CELF2: variants seen among roughly 807,000 people sequenced by gnomAD.
CELF2 encodes the protein CUGBP Elav-like family member 2, also known as CUG triplet repeat RNA-binding protein 2.
CELF2 carries 8 observed loss-of-function variants against 62.6 expected under a neutral mutation model. The observed-to-expected ratio is 0.13, with a 90% CI of 0.07 to 0.23. The LOEUF (loss-of-function observed/expected upper bound fraction) is 0.23, where lower values mean the gene tolerates loss of function less well. Ranked by LOEUF, CELF2 falls within the 10% of genes least tolerant of loss-of-function variation. The pLI, the probability that CELF2 is intolerant of heterozygous loss-of-function variation, is 1.00. For synonymous variants in CELF2, 258 were observed against 250.0 expected, an observed-to-expected ratio of 1.03 and a Z score of -0.30; for missense variants, 333 against 671.0, an observed-to-expected ratio of 0.50 and a Z score of 5.56.
At position 11,316,286 on chromosome 10, in the gene CELF2, T is replaced by C. The variant is rs1687147849; in HGVS notation, c.1096+2028T>C. Among the ~76,000 whole-genome samples, 1 of 152,234 alleles carries C rather than the reference T, an allele frequency of 6.6e-6. No homozygotes were observed. The highest frequency in any genetic ancestry group is 2.1e-4 in the South Asian group (1 of 4,832). On this transcript the variant is annotated intron_variant, in intron 10 of 12. Coordinates refer to ENST00000633077, the MANE Select transcript of CELF2 (RefSeq NM_001326342.2). The surrounding 1 kb of genome is among the most constrained non-coding windows in gnomAD (Gnocchi z 4.4). ...GTTTGTCATTTCAAATAACCCCTGC[T>C]AGATAGTATGAACCAAGAAAATATT...
chr10:11,325,773 G>A lies in CELF2; in HGVS notation c.1295-63G>A, dbSNP rs74115842. The A allele has an allele frequency of 4.1e-4, 599 of 1,465,766 alleles. 2 individuals are homozygous for A. In the African/African-American group the frequency reaches 7.3e-3, roughly 18 times the overall value. The allele number at this position is 1,465,766 out of a possible 1,614,324, so 90.8% of individuals were successfully genotyped here. A position where few individuals can be genotyped will look rare whatever the true frequency, so the allele number is the denominator to read the frequency against. ...CTACCTGTTGTTAAAGTATTCCTAA[G>A]AAGGGACTTTGGAAACTAAGACTCA... is the stretch of plus-strand genomic sequence containing the variant. On this transcript the variant is annotated intron_variant, in intron 11 of 12. Transcript: ENST00000633077.
chr10:11,120,770 G>T (rs139030923), intron 1 of CELF2, among the ~76,000 whole-genome samples: 62 of 152,210 alleles, frequency 4.1e-4, no homozygotes, highest in South Asian at 1.9e-3. Context: ...GGCTGGTTTG[G>T]GCCCTTGATT....
In CELF2 at chr10:11,156,786, C is replaced by G. The variant is rs547566856; in HGVS notation, c.75-8700C>G. Among the ~76,000 whole-genome samples, 3 of 152,094 alleles carry G rather than the reference C, an allele frequency of 2.0e-5. No homozygotes were observed. The highest frequency in any genetic ancestry group is 2.9e-5 in the Non-Finnish European group (2 of 68,026). ...GAAAGGCCAGAGCAAGCAGCCAGTCCGCATTACACGCATGTTCTGTGTGCA... is the reference window on the plus strand; with the variant it reads ...GAAAGGCCAGAGCAAGCAGCCAGTCGGCATTACACGCATGTTCTGTGTGCA... On this transcript the variant is annotated intron_variant, in intron 1 of 12. Transcript: ENST00000633077. This position sits in a 1 kb window ranked among gnomAD's most constrained non-coding sequence, Gnocchi z 4.3.
the CELF2 span, among the ~76,000 whole-genome samples, chr10:10,527,652 C>T: frequency 1.3e-5 from 2 of 152,156 alleles, no homozygotes; most frequent in South Asian, 4.1e-4. Flanking sequence ...TTAGAGGATA[C>T]ACTGGAGACT....
intron 4 of CELF2, among the ~76,000 whole-genome samples, chr10:11,251,056 CAG>C (rs1368627540): frequency 6.6e-6 from 1 of 152,114 alleles, no homozygotes; most frequent in Non-Finnish European, 1.5e-5. Flanking sequence ...CAAGTCATCT[CAG>C]AGTGTGTGGC....
At position 11,127,325 on chromosome 10, in the gene CELF2, G is replaced by A. The variant is rs146832450; in HGVS notation, c.75-38161G>A. On this transcript the variant is annotated intron_variant, in intron 1 of 12. Transcript: ENST00000633077. ...AGATTTGGGTTGGTTCCAAGTTTTT[G>A]CTATTGTGAATAGTGCCCCAGTAAA... 1.1e-3 allele frequency among the ~76,000 whole-genome samples: 167 copies of A among 152,274 alleles called. 2 individuals carry two copies. The highest frequency in any genetic ancestry group is 3.9e-3 in the African/African-American group (161 of 41,544).
In CELF2 at chr10:11,267,045, T is replaced by G. The variant is rs2082343423; in HGVS notation, c.618+368T>G. On this transcript the variant is annotated intron_variant, in intron 6 of 12. Transcript: ENST00000633077. The surrounding 1 kb of genome is among the most constrained non-coding windows in gnomAD (Gnocchi z 4.4). ...ACCGGGGTCGGTGCGGATGAAACAG[T>G]AACAGCCTCCCACCCCAAATTACTG... Among the ~76,000 whole-genome samples, 1 of 152,180 alleles carries G rather than the reference T, an allele frequency of 6.6e-6. No homozygotes were observed. Among genetic ancestry groups the G allele is most frequent in the Non-Finnish European group, 1.5e-5 (1 of 68,028 alleles).
intron 2 of CELF2, among the ~76,000 whole-genome samples, chr10:10,974,282 C>A (rs766777299): frequency 2.6e-5 from 4 of 152,248 alleles, no homozygotes; most frequent in South Asian, 4.1e-4. Context: ...CTAGTATTAG[C>A]AGATCAACAT....
chr10:10,681,880 T>A, the CELF2 span, among the ~76,000 whole-genome samples: 1 of 152,238 alleles, frequency 6.6e-6, no homozygotes, highest in African/African-American at 2.4e-5. Context: ...TTTGTTTGTA[T>A]TGCTTAGCTA....
intron 1 of CELF2, among the ~76,000 whole-genome samples, chr10:11,142,553 C>T (rs773115061): frequency 2.4e-4 from 37 of 151,650 alleles, no homozygotes; most frequent in Admixed American, 1.3e-4. Flanking sequence ...GGCATGGTGG[C>T]GGCGCCTGTA....
intron 9 of CELF2, among the ~76,000 whole-genome samples, chr10:11,298,256 C>G (rs1458281064): frequency 6.6e-6 from 1 of 152,202 alleles, no homozygotes; most frequent in Non-Finnish European, 1.5e-5. Flanking sequence ...TCATCTCCCC[C>G]TGGGAGGAGC....
Position 11,285,843 on chromosome 10 carries a change from G to A in CELF2, c.842-2575G>A, listed in dbSNP as rs1207468359. Among the ~76,000 whole-genome samples, 1 of 130,778 alleles carries A rather than the reference G, an allele frequency of 7.6e-6. No individual in the cohort carries two copies. The highest frequency in any genetic ancestry group is 1.5e-5 in the Non-Finnish European group (1 of 65,808). The allele number at this position is 130,778 out of a possible 152,430, so 85.8% of individuals were successfully genotyped here. Reference sequence around the variant, plus strand: ...TATATATTGGTGTGTGTGTGTGTGTGTGTGTGTGTGTGTGTGTGTGTGTGT... The same window carrying A: ...TATATATTGGTGTGTGTGTGTGTGTATGTGTGTGTGTGTGTGTGTGTGTGT... On this transcript the variant is annotated intron_variant, in intron 8 of 12. Transcript: ENST00000633077. This position sits in a 1 kb window ranked among gnomAD's most constrained non-coding sequence, Gnocchi z 4.3.
intron 2 of CELF2, among the ~76,000 whole-genome samples, chr10:11,173,735 C>A (rs2069847555): frequency 6.6e-6 from 1 of 152,134 alleles, no homozygotes; most frequent in South Asian, 2.1e-4. Context: ...TGGGCCAAAC[C>A]TTTTACGAGA....
At chr10:10,657,225 G>A in the CELF2 span, among the ~76,000 whole-genome samples, 2 of 152,154 alleles carry the variant, frequency 1.3e-5, no homozygotes, top group Non-Finnish European at 2.9e-5. Flanking sequence ...AGAAAAAAAA[G>A]TAGATGAGTG....
intron 1 of CELF2, among the ~76,000 whole-genome samples, chr10:10,881,463 T>C (rs113550576): frequency 0.013 from 1,933 of 152,260 alleles, 48 homozygotes; most frequent in African/African-American, 0.044. Flanking sequence ...TAGTAAAATA[T>C]GAGATACTTC....
intron 3 of CELF2, among the ~76,000 whole-genome samples, chr10:11,235,802 T>G (rs2071006261): frequency 6.8e-6 from 1 of 146,042 alleles, no homozygotes; most frequent in South Asian, 2.4e-4. Flanking sequence ...AGGAGAGAAG[T>G]TTTTTTTGGG....
At chr10:10,729,487 C>T in the CELF2 span, among the ~76,000 whole-genome samples, 4 of 152,266 alleles carry the variant, frequency 2.6e-5, no homozygotes, top group African/African-American at 7.2e-5. Context: ...CCAAGATATT[C>T]CTAATTGTGG....
the CELF2 span, among the ~76,000 whole-genome samples, chr10:10,630,015 A>C: frequency 1.3e-5 from 2 of 152,122 alleles, no homozygotes; most frequent in African/African-American, 2.4e-5. Flanking sequence ...CCCACTTCAG[A>C]AGTTAGATAA....
At chr10:10,977,912 T>C (rs1299807709) in intron 2 of CELF2, among the ~76,000 whole-genome samples, 2 of 152,162 alleles carry the variant, frequency 1.3e-5, no homozygotes, top group South Asian at 2.1e-4. Flanking sequence ...AAACATAATA[T>C]GCACAAGAAG....
Sources: allele counts gnomAD v4.1 joint callset (sites outside exome capture counted in the v4.1 genomes callset), GRCh38; gene constraint gnomAD v4.1.1; non-coding constraint Gnocchi (gnomAD v3.1); transcripts MANE v1.5; gene names NCBI Gene and HGNC (gene_info 2026-07-23, HGNC 2026-07-21).